The following ANKRD37 variants were observed in gnomAD, a reference collection of about 807,000 sequenced individuals.
ANKRD37 encodes ankyrin repeat domain-containing protein 37.
A neutral mutation model predicts 19.7 loss-of-function variants in ANKRD37; 17 were observed. That is an observed-to-expected ratio of 0.86 (90% CI 0.59 to 1.29). The LOEUF is 1.29. ANKRD37 is among the 50% of genes most tolerant of loss of function. ANKRD37 has a pLI of 0.00. For missense variants in ANKRD37, 207 were observed against 190.4 expected (o/e 1.09, Z -0.51); for synonymous variants, 79 against 74.5 (o/e 1.06, Z -0.31).
intron 4 of ANKRD37, 101 bp from the exon 5 acceptor site, chr4:185,399,916 A>T (rs2095511176): frequency 8.4e-6 from 13 of 1,541,458 alleles, no homozygotes; most frequent in Non-Finnish European, 1.0e-5. Flanking sequence ...GGTTATACTT[A>T]CCAGAGTCTA....
chr4:185,398,280 G>T (rs1052617986), intron 2 of ANKRD37, among the ~76,000 whole-genome samples: 1 of 151,944 alleles, frequency 6.6e-6, no homozygotes, highest in Non-Finnish European at 1.5e-5. Flanking sequence ...TAATGAAAAC[G>T]GTATGAAAAA....
intron 2 of ANKRD37, 52 bp downstream of exon 2, chr4:185,397,354 C>T: frequency 6.3e-7 from 1 of 1,583,894 alleles, no homozygotes; most frequent in Non-Finnish European, 8.6e-7. Context: ...CCCAGACACA[C>T]ACAAACATTT....
At chr4:185,398,456 T>C (rs1298827714) in intron 2 of ANKRD37, among the ~76,000 whole-genome samples, 1 of 152,228 alleles carries the variant, frequency 6.6e-6, no homozygotes, top group Non-Finnish European at 1.5e-5. Context: ...TGTTTCAAAT[T>C]AGCCCATGGA....
At chr4:185,400,461 C>T (rs1367823427), downstream of ANKRD37, 1 of 1,613,618 alleles carries the variant, frequency 6.2e-7, no homozygotes, top group Non-Finnish European at 8.5e-7. Context: ...AATCTGGGCC[C>T]TTCCATCCGC....
rs372010732 is a variant in ANKRD37, at chr4:185,399,728, G to A, written c.431G>A (p.Arg144Gln). 22 of 1,614,136 alleles carry A rather than the reference G, an allele frequency of 1.4e-5. No homozygotes were observed. Among genetic ancestry groups the A allele is most frequent in the South Asian group, 3.3e-5 (3 of 91,076 alleles). ...NDCVAVLRQK[R>Q]SLGSVENTSG... ...TGTGTTGCCGTGCTCAGACAGAAAC[G>A]GAGTCTCGGAAGTGTAGAAAATACC... Residue 144 changes from arginine to glutamine, a missense_variant, in exon 4 of 5, where the codon CGG becomes CAG. By Grantham distance (43) the Arg-to-Gln change is conservative. Coordinates refer to ENST00000335174, the MANE Select transcript of ANKRD37 (RefSeq NM_181726.4).
chr4:185,399,982 A>T, intron 4 of ANKRD37, 35 bp from the exon 5 acceptor site: 1 of 1,597,212 alleles, frequency 6.3e-7, no homozygotes, highest in Non-Finnish European at 8.5e-7. Flanking sequence ...CTTTTTAAAA[A>T]AAAGTTTTTA....
At chr4:185,398,241 A>C (rs1212090889) in intron 2 of ANKRD37, among the ~76,000 whole-genome samples, 1 of 152,236 alleles carries the variant, frequency 6.6e-6, no homozygotes, top group Non-Finnish European at 1.5e-5. Flanking sequence ...TACAGGCGTG[A>C]GCCACCGCGC....
chr4:185,398,395 T>C (rs2095508403), intron 2 of ANKRD37, among the ~76,000 whole-genome samples: 1 of 152,240 alleles, frequency 6.6e-6, no homozygotes. Flanking sequence ...AAGGAGGAGA[T>C]TTTTAGAAGG....
At chr4:185,399,444 T>C (rs1190243496) in intron 3 of ANKRD37, 126 bp from the exon 4 acceptor site, 2 of 978,606 alleles carry the variant, frequency 2.0e-6, no homozygotes, top group East Asian at 2.6e-5. Flanking sequence ...GCAATTTCCT[T>C]ATGCATCCTT....
rs557089455 is a variant in ANKRD37, at chr4:185,400,115, C to T, written c.*98C>T. 1.7e-6 allele frequency: 2 copies of T among 1,194,864 alleles called. No homozygotes were observed. The highest frequency in any genetic ancestry group is 2.4e-5 in the East Asian group (1 of 42,084). The allele number at this position is 1,194,864 out of a possible 1,614,324, so 74.0% of individuals were successfully genotyped here. ...TTTACCATATGTTGTGTCTAATCTC[C>T]TTCTGAGAAGGACGAAAAACTTTCT... On this transcript the variant is annotated 3_prime_UTR_variant, in exon 5 of 5. Coordinates refer to ENST00000335174, the MANE Select transcript of ANKRD37 (RefSeq NM_181726.4).
chr4:185,399,202 G>A (rs771599026), intron 3 of ANKRD37, among the ~76,000 whole-genome samples, 174 bp downstream of exon 3: 1 of 152,134 alleles, frequency 6.6e-6, no homozygotes, highest in South Asian at 2.1e-4. Flanking sequence ...TACTCAGTTC[G>A]AGTAAGTAAA....
Position 185,396,867 on chromosome 4 carries a change from C to T in ANKRD37, c.-57C>T. On this transcript the variant is annotated 5_prime_UTR_variant, in exon 1 of 5. Coordinates refer to ENST00000335174, the MANE Select transcript of ANKRD37 (RefSeq NM_181726.4). ...CGCATTCTTACCTGTCGGGGTGCGGCGAGTGTCTCACCTCTCTGCACTTCC... is the reference window on the plus strand; with the variant it reads ...CGCATTCTTACCTGTCGGGGTGCGGTGAGTGTCTCACCTCTCTGCACTTCC... The T allele has an allele frequency of 2.5e-6, 4 of 1,585,880 alleles. No homozygotes were observed. Among genetic ancestry groups the T allele is most frequent in the Non-Finnish European group, 3.5e-6 (4 of 1,158,146 alleles).
Position 185,399,780 on chromosome 4 carries a change from A to T in ANKRD37, c.476+7A>T. On this transcript the variant is annotated splice_region_variant and intron_variant, in intron 4 of 4. Coordinates refer to ENST00000335174, the MANE Select transcript of ANKRD37 (RefSeq NM_181726.4). ...GTGGGAAAAGGAAGTGCTGGTAAGTAACTCAGAGCTGCTGCTTTTTTCCTC... is the reference window on the plus strand; with the variant it reads ...GTGGGAAAAGGAAGTGCTGGTAAGTTACTCAGAGCTGCTGCTTTTTTCCTC... 6.2e-7 allele frequency: 1 copy of T among 1,613,786 alleles called. No homozygotes were observed. The highest frequency in any genetic ancestry group is 8.5e-7 in the Non-Finnish European group (1 of 1,179,800).
chr4:185,399,084 G>T, intron 3 of ANKRD37, 56 bp downstream of exon 3: 4 of 1,403,356 alleles, frequency 2.9e-6, no homozygotes, highest in South Asian at 1.2e-5. Flanking sequence ...AAACTAATCA[G>T]ACTCCTGAAG....
intron 4 of ANKRD37, 58 bp downstream of exon 4, chr4:185,399,831 C>T: frequency 6.2e-7 from 1 of 1,603,058 alleles, no homozygotes. Context: ...GTTTGCATAG[C>T]ATTTATTATT....
chr4:185,399,122 TG>T, intron 3 of ANKRD37, 94 bp downstream of exon 3: 1 of 1,042,786 alleles, frequency 9.6e-7, no homozygotes. Flanking sequence ...TTAAAAATAA[TG>T]CTTGCGTAAT....
At position 185,396,962 on chromosome 4, in the gene ANKRD37, G is replaced by C; in HGVS notation, c.27+12G>C. 6.2e-7 allele frequency: 1 copy of C among 1,613,408 alleles called. No homozygotes were observed. The highest frequency in any genetic ancestry group is 1.1e-5 in the South Asian group (1 of 91,084). On this transcript the variant is annotated intron_variant, in intron 1 of 4. Coordinates refer to ENST00000335174, the MANE Select transcript of ANKRD37 (RefSeq NM_181726.4). ...ATTGCAACCCCGAGGTGAGATTCGG[G>C]CTCACAGAGCCCGAGCTTTTGTCCT...
At chr4:185,399,277 C>T (rs190194189) in intron 3 of ANKRD37, among the ~76,000 whole-genome samples, 168 of 152,210 alleles carry the variant, frequency 1.1e-3, no homozygotes, top group African/African-American at 3.8e-3. Context: ...ACTTCAGTTT[C>T]GGTTCAGGAA....
In ANKRD37 at chr4:185,398,965, A is replaced by C; in HGVS notation, c.209A>C (p.Lys70Thr). 6.2e-7 allele frequency: 1 copy of C among 1,613,880 alleles called. No homozygotes were observed. Among genetic ancestry groups the C allele is most frequent in the Non-Finnish European group, 8.5e-7 (1 of 1,179,842 alleles). The change falls in exon 3 of 5, where the codon AAG (lysine) becomes ACG (threonine). Residue 70 changes from lysine to threonine, a missense_variant. Transcript: ENST00000335174. ...GTTTTAGGAGAAGCTCCACTACACA[A>C]GGCAGCAAAAGTTGGAAGCCTGGAG... ...QDVLGEAPLHKAAKVGSLECL... is the reference protein window; with the variant it reads ...QDVLGEAPLHTAAKVGSLECL...
Sources: allele counts gnomAD v4.1 joint callset (sites outside exome capture counted in the v4.1 genomes callset), GRCh38; gene constraint gnomAD v4.1.1; transcripts MANE v1.5; gene names NCBI Gene and HGNC (gene_info 2026-07-23, HGNC 2026-07-21).